Variants in PARVG observed in about 807,000 individuals in gnomAD.
PARVG encodes the protein gamma-parvin.
PARVG carries 36 observed loss-of-function variants against 44.4 expected under a neutral mutation model. That is an observed-to-expected ratio of 0.81 (90% CI 0.62 to 1.07). The LOEUF (loss-of-function observed/expected upper bound fraction) is 1.07, where lower values mean the gene tolerates loss of function less well. Ranked by LOEUF, PARVG falls within the 50% of genes least tolerant of loss-of-function variation. The pLI is 0.00. For missense variants in PARVG, 407 were observed against 407.4 expected (o/e 1.00, Z 0.01); for synonymous variants, 170 against 174.1 (o/e 0.98, Z 0.19).
At chr22:44,201,824 C>CA (rs2054713884) in intron 12 of PARVG, among the ~76,000 whole-genome samples, 1 of 152,234 alleles carries the variant, frequency 6.6e-6, no homozygotes. Context: ...CTCTGTGCCA[C>CA]AGCCTGCCAT....
In PARVG at chr22:44,183,310, CTG is replaced by C. The variant is rs1001153882; in HGVS notation, c.-12-5_-12-4del. ...ACCGTGACGCCCTCTCCTGCCTCCT[CTG>C]TGCAGGCTTGGGAGGCGATGGAGCC... On this transcript the variant is annotated splice_region_variant and splice_polypyrimidine_tract_variant and intron_variant, in intron 2 of 13. Coordinates refer to ENST00000444313, the MANE Select transcript of PARVG (RefSeq NM_022141.7). The C allele has an allele frequency of 1.2e-6, 2 of 1,601,236 alleles. No individual in the cohort carries two copies. Among genetic ancestry groups the C allele is most frequent in the African/African-American group, 2.7e-5 (2 of 74,796 alleles).
At chr22:44,183,736 C>T in intron 3 of PARVG, 1 of 418,410 alleles carries the variant, frequency 2.4e-6, no homozygotes, top group East Asian at 3.6e-5. Context: ...GGGCGGGCAT[C>T]AGTGCCTGCT....
chr22:44,208,207 CTTAT>C lies in PARVG; in HGVS notation c.*1785_*1788del, dbSNP rs2147245416. 6.6e-6 allele frequency: 1 copy of C among 152,332 alleles called. No homozygotes were observed. Among genetic ancestry groups the C allele is most frequent in the East Asian group, 1.9e-4 (1 of 5,190 alleles). The allele number at this position is 152,332 out of a possible 1,614,324, so 9.4% of individuals were successfully genotyped here. On this transcript the variant is annotated 3_prime_UTR_variant, in exon 14 of 14. Coordinates refer to ENST00000444313, the MANE Select transcript of PARVG (RefSeq NM_022141.7). ...TTGACAGCAATTAAAAAAAAAGTGA[CTTAT>C]TTAATTACTGTAGCTTTATTGAAAA...
intron 12 of PARVG, among the ~76,000 whole-genome samples, chr22:44,204,802 A>T (rs1240130430): frequency 2.0e-5 from 3 of 152,230 alleles, no homozygotes; most frequent in African/African-American, 7.2e-5. Flanking sequence ...GACCTGTTTG[A>T]GGTCACAGTG....
intron 1 of PARVG, among the ~76,000 whole-genome samples, chr22:44,173,446 TAGC>T (rs1426227665): frequency 6.6e-6 from 1 of 152,110 alleles, no homozygotes; most frequent in African/African-American, 2.4e-5. Context: ...GCACAGGTCA[TAGC>T]AGGTTTCAGG....
chr22:44,207,161 GCA>G lies in PARVG; in HGVS notation c.*738_*739del, dbSNP rs1411665770. The G allele has an allele frequency of 2.1e-5, 3 of 146,232 alleles. No individual in the cohort carries two copies. In the East Asian group the frequency reaches 6.0e-4, roughly 29 times the overall value. The allele number at this position is 146,232 out of a possible 1,614,324, so 9.1% of individuals were successfully genotyped here. On this transcript the variant is annotated 3_prime_UTR_variant, in exon 14 of 14. Coordinates refer to ENST00000444313, the MANE Select transcript of PARVG (RefSeq NM_022141.7). ...TAAAGAAGAGTCGTGTGGGAGAATTGCACATAGTCAGTCCAGGGCATCCAGAG... is the reference window on the plus strand; with the variant it reads ...TAAAGAAGAGTCGTGTGGGAGAATTGCATAGTCAGTCCAGGGCATCCAGAG...
At chr22:44,198,000 C>A (rs145505190) in intron 11 of PARVG, among the ~76,000 whole-genome samples, 2 of 152,266 alleles carry the variant, frequency 1.3e-5, no homozygotes, top group Non-Finnish European at 2.9e-5. Flanking sequence ...AAGTCCCTTG[C>A]ATTTCAGTTG....
intron 13 of PARVG, 126 bp downstream of exon 13, chr22:44,205,955 G>A: frequency 8.4e-7 from 1 of 1,187,168 alleles, no homozygotes; most frequent in Non-Finnish European, 1.2e-6. Context: ...TGCCTGGCAG[G>A]GGTGGAGAAT....
upstream of PARVG, among the ~76,000 whole-genome samples, chr22:44,178,695 G>A (rs142943558): frequency 2.7e-3 from 415 of 152,210 alleles, 7 homozygotes; most frequent in African/African-American, 9.6e-3. Flanking sequence ...TGTTAGTGTC[G>A]TGAAAGATTG....
chr22:44,175,593 G>A (rs768674489), intron 1 of PARVG, among the ~76,000 whole-genome samples: 4 of 152,196 alleles, frequency 2.6e-5, no homozygotes, highest in African/African-American at 4.8e-5. Flanking sequence ...CAGGGGGTGG[G>A]GAATCCCTGT....
intron 3 of PARVG, chr22:44,183,729 C>T (rs1007974554): frequency 1.4e-5 from 6 of 416,136 alleles, no homozygotes; most frequent in Admixed American, 4.4e-5. Context: ...TTCTCAAGGG[C>T]GGGCATCAGT....
intron 5 of PARVG, chr22:44,188,561 T>C (rs2054506096): frequency 6.2e-6 from 1 of 162,594 alleles, no homozygotes; most frequent in Admixed American, 5.7e-5. Flanking sequence ...ATCCCACTCA[T>C]GCGGCTAGCA....
chr22:44,200,379 G>A (rs1378208926), intron 12 of PARVG, among the ~76,000 whole-genome samples: 1 of 152,238 alleles, frequency 6.6e-6, no homozygotes, highest in Non-Finnish European at 1.5e-5. Context: ...CTGAAAATGG[G>A]CTGACAATCC....
At chr22:44,191,643 C>T (rs888855106) in intron 7 of PARVG, among the ~76,000 whole-genome samples, 1 of 152,094 alleles carries the variant, frequency 6.6e-6, no homozygotes, top group African/African-American at 2.4e-5. Context: ...AAGCCATCCA[C>T]CTGTCTTAGT....
intron 12 of PARVG, among the ~76,000 whole-genome samples, chr22:44,203,465 G>T (rs891133561): frequency 5.3e-5 from 8 of 152,114 alleles, no homozygotes; most frequent in Non-Finnish European, 1.2e-4. Flanking sequence ...TTCTAAAAAC[G>T]TTTGGCCACA....
intron 3 of PARVG, 81 bp downstream of exon 3, chr22:44,183,489 G>A: frequency 7.4e-7 from 1 of 1,350,030 alleles, no homozygotes; most frequent in Non-Finnish European, 9.9e-7. Context: ...GGGACTTGCA[G>A]CACCTTCCCA....
upstream of PARVG, among the ~76,000 whole-genome samples, chr22:44,179,228 T>TA (rs2054345906): frequency 6.6e-6 from 1 of 152,214 alleles, no homozygotes; most frequent in African/African-American, 2.4e-5. This position sits in a 1 kb window ranked among gnomAD's most constrained non-coding sequence, Gnocchi z 4.2. Flanking sequence ...TTCCAATTCT[T>TA]AGAGTCCCTC....
At chr22:44,183,121 AC>A (rs2054408397) in intron 2 of PARVG, 196 bp from the exon 3 acceptor site, 4 of 528,700 alleles carry the variant, frequency 7.6e-6, no homozygotes, top group Non-Finnish European at 1.3e-5. Context: ...CCTTTTTCTA[AC>A]CCGTCACCCC....
chr22:44,183,996 A>G (rs563456811), intron 3 of PARVG: 2 of 181,248 alleles, frequency 1.1e-5, no homozygotes, highest in South Asian at 2.0e-4. Context: ...TTCAACGACT[A>G]TAGGTCGCCC....
Sources: allele counts gnomAD v4.1 joint callset (sites outside exome capture counted in the v4.1 genomes callset), GRCh38; gene constraint gnomAD v4.1.1; non-coding constraint Gnocchi (gnomAD v3.1); transcripts MANE v1.5; gene names NCBI Gene and HGNC (gene_info 2026-07-23, HGNC 2026-07-21).